The following SMARCD3 variants were observed in gnomAD, a reference collection of about 807,000 sequenced individuals.
SMARCD3 encodes the protein SWI/SNF related BAF chromatin remodeling complex subunit D3.
In SMARCD3, 14 loss-of-function variants were observed where a neutral mutation model predicts 58.0. The ratio of observed to expected loss-of-function variants is 0.24; its 90% confidence interval spans 0.16 to 0.38. The LOEUF (loss-of-function observed/expected upper bound fraction) is 0.38. Among genes scored for constraint, SMARCD3 ranks in the 10% least tolerant of loss-of-function variants. SMARCD3 has a pLI of 1.00. For synonymous variants in SMARCD3, 253 were observed against 253.8 expected, an observed-to-expected ratio of 1.00 and a Z score of 0.03; for missense variants, 408 against 636.9, an observed-to-expected ratio of 0.64 and a Z score of 3.87.
intron 2 of SMARCD3, among the ~76,000 whole-genome samples, chr7:151,268,724 T>G (rs1298333792): frequency 6.6e-6 from 1 of 152,126 alleles, no homozygotes; most frequent in Non-Finnish European, 1.5e-5. Flanking sequence ...AGCACTTACC[T>G]TATAGTGTTG....
chr7:151,240,381 C>A (rs755265012), intron 9 of SMARCD3, 44 bp downstream of exon 9: 2 of 1,579,392 alleles, frequency 1.3e-6, no homozygotes, highest in African/African-American at 1.3e-5. Flanking sequence ...AAGGCAGGAA[C>A]GAGATCATTC....
chr7:151,274,720 G>A (rs942505184), intron 2 of SMARCD3, among the ~76,000 whole-genome samples: 4 of 152,238 alleles, frequency 2.6e-5, no homozygotes, highest in Non-Finnish European at 4.4e-5. Context: ...CTTCATGTAC[G>A]CAGTGAGAGG....
intron 2 of SMARCD3, among the ~76,000 whole-genome samples, chr7:151,255,168 C>T (rs1289356594): frequency 6.6e-6 from 1 of 152,080 alleles, no homozygotes; most frequent in Non-Finnish European, 1.5e-5. Context: ...AAGCCCCAGA[C>T]CCCCTCAACT....
upstream of SMARCD3, chr7:151,248,722 T>G (rs1189098969): frequency 1.2e-5 from 15 of 1,210,614 alleles, no homozygotes; most frequent in African/African-American, 1.6e-5. This position sits in a 1 kb window ranked among gnomAD's most constrained non-coding sequence, Gnocchi z 6.1. Flanking sequence ...AGGGCTGCCC[T>G]GACGGCCCAC....
chr7:151,257,864 G>A lies in SMARCD3; in HGVS notation c.40-12193C>T, dbSNP rs1384805222. ...GGTCTCATCACATCCAGCACCACCCGTATGTCGGCAGCTCCCAGTTTCCTC... is the reference window on the plus strand; with the variant it reads ...GGTCTCATCACATCCAGCACCACCCATATGTCGGCAGCTCCCAGTTTCCTC... On this transcript the variant is annotated intron_variant, in intron 2 of 13. Coordinates refer to the SMARCD3 transcript ENST00000356800. 5.3e-5 allele frequency among the ~76,000 whole-genome samples: 8 copies of A among 152,134 alleles called. No homozygotes were observed. In the East Asian group the frequency reaches 7.7e-4, roughly 15 times the overall value.
rs1803380425 is a variant in SMARCD3, at chr7:151,248,421, A to C, written c.78+64T>G. 59 of 1,291,556 alleles carry C rather than the reference A, an allele frequency of 4.6e-5. No individual in the cohort carries two copies. Among genetic ancestry groups the C allele is most frequent in the Non-Finnish European group, 5.9e-5 (53 of 899,846 alleles). The allele number at this position is 1,291,556 out of a possible 1,614,324, so 80.0% of individuals were successfully genotyped here. A position where few individuals can be genotyped will look rare whatever the true frequency, so the allele number is the denominator to read the frequency against. On this transcript the variant is annotated intron_variant, in intron 1 of 12. Coordinates refer to ENST00000262188, the MANE Select transcript of SMARCD3 (RefSeq NM_001003801.2). This position sits in a 1 kb window ranked among gnomAD's most constrained non-coding sequence, Gnocchi z 6.1. ...GGGAGCGCCCTCCCGGCCCCTCCCG[A>C]TCAGCCCTCCATTCAGCCCGAGCCA...
At chr7:151,267,716 C>A (rs1180948673) in intron 2 of SMARCD3, among the ~76,000 whole-genome samples, 3 of 152,204 alleles carry the variant, frequency 2.0e-5, no homozygotes, top group African/African-American at 7.2e-5. Context: ...GTGGCCCAAG[C>A]CTGTAATTCC....
intron 8 of SMARCD3, 76 bp from the exon 9 acceptor site, chr7:151,240,598 C>A: frequency 9.3e-7 from 1 of 1,075,944 alleles, no homozygotes; most frequent in Non-Finnish European, 1.4e-6. Context: ...TCCTTTTGTT[C>A]TAGAAAGGCC....
chr7:151,239,606 C>T lies in SMARCD3; in HGVS notation c.1296+18G>A. 6.2e-7 allele frequency: 1 copy of T among 1,614,098 alleles called. No individual in the cohort carries two copies. The highest frequency in any genetic ancestry group is 8.5e-7 in the Non-Finnish European group (1 of 1,180,004). On this transcript the variant is annotated intron_variant, in intron 11 of 12. Transcript: ENST00000262188. The surrounding 1 kb of genome is among the most constrained non-coding windows in gnomAD (Gnocchi z 7.0). ...TGCTTGTCTTCCACTCCAGTACTCC[C>T]TGAGTCTCCCTCTTCACCTTGAGGT...
Position 151,242,626 on chromosome 7 carries a change from C to T in SMARCD3, c.457-23G>A, listed in dbSNP as rs540719880. 389 of 1,611,896 alleles carry T rather than the reference C, an allele frequency of 2.4e-4. 6 individuals carry two copies. The South Asian group carries it at 4.0e-3, about 16-fold the overall frequency. On this transcript the variant is annotated intron_variant, in intron 4 of 12. Transcript: ENST00000262188. The surrounding 1 kb of genome is among the most constrained non-coding windows in gnomAD (Gnocchi z 4.7). ...TTGCTGTAGAAATAGAGTGCAGAACCGGGCGAATGCTGTGTGCTCCCACCC... is the reference window on the plus strand; with the variant it reads ...TTGCTGTAGAAATAGAGTGCAGAACTGGGCGAATGCTGTGTGCTCCCACCC...
rs1204935670 is a variant in SMARCD3, at chr7:151,246,809, G to A, written c.79-1138C>T. 6.6e-6 allele frequency among the ~76,000 whole-genome samples: 1 copy of A among 152,150 alleles called. No homozygotes were observed. Among genetic ancestry groups the A allele is most frequent in the East Asian group, 1.9e-4 (1 of 5,188 alleles). On this transcript the variant is annotated intron_variant, in intron 1 of 12. Transcript: ENST00000262188. The surrounding 1 kb of genome is among the most constrained non-coding windows in gnomAD (Gnocchi z 4.4). ...GGGAGGGCCAGAGAGAGTTTCAGGG[G>A]CTGTGAAACAGAAAGAGCGGGGTGG...
upstream of SMARCD3, among the ~76,000 whole-genome samples, chr7:151,251,802 CAAAGCGCCGCTCCCCGCGCAGGGAGA>C (rs1006724299): frequency 1.3e-5 from 2 of 151,512 alleles, no homozygotes; most frequent in Admixed American, 1.3e-4. Flanking sequence ...CACCAAATGG[CAAAGCGCCGCTCCCCGCGCAGGGAGA>C]GATGCGCCGC....
chr7:151,276,969 A>G (rs1419333860), upstream of SMARCD3: 3 of 147,964 alleles, frequency 2.0e-5, no homozygotes, highest in African/African-American at 7.4e-5. Context: ...GGATGCCAAC[A>G]GAGGCGAGCA....
chr7:151,264,823 A>G (rs1804032528), intron 2 of SMARCD3, among the ~76,000 whole-genome samples: 1 of 152,200 alleles, frequency 6.6e-6, no homozygotes, highest in Non-Finnish European at 1.5e-5. Flanking sequence ...GGAAGCTGGC[A>G]TACTAACTGC....
intron 2 of SMARCD3, among the ~76,000 whole-genome samples, chr7:151,258,674 C>T (rs114904948): frequency 0.011 from 1,737 of 152,196 alleles, 29 homozygotes; most frequent in African/African-American, 0.04. Context: ...GGCCAAGGTC[C>T]TGAAGGTCCT....
chr7:151,243,640 T>A lies in SMARCD3; in HGVS notation c.333+19A>T. ...AAAGGGTGGGGGGTGGGCTGGGGGC[T>A]GCTGTGAAAGGCACTCACCCTTTGA... On this transcript the variant is annotated intron_variant, in intron 3 of 12. Coordinates refer to ENST00000262188, the MANE Select transcript of SMARCD3 (RefSeq NM_001003801.2). This position sits in a 1 kb window ranked among gnomAD's most constrained non-coding sequence, Gnocchi z 4.4. 1 of 1,519,604 alleles carries A rather than the reference T, an allele frequency of 6.6e-7. No homozygotes were observed. The highest frequency in any genetic ancestry group is 9.1e-7 in the Non-Finnish European group (1 of 1,094,468). The allele number at this position is 1,519,604 out of a possible 1,614,324, so 94.1% of individuals were successfully genotyped here.
intron 2 of SMARCD3, among the ~76,000 whole-genome samples, chr7:151,244,085 G>C (rs1414535264): frequency 6.6e-6 from 1 of 152,208 alleles, no homozygotes; most frequent in Non-Finnish European, 1.5e-5. Flanking sequence ...ACCTTTTCTG[G>C]AAAGCAGGGG....
chr7:151,259,087 C>T (rs185185241), intron 2 of SMARCD3, among the ~76,000 whole-genome samples: 18 of 152,246 alleles, frequency 1.2e-4, no homozygotes, highest in Admixed American at 1.2e-3. Context: ...TGCAGTGGCT[C>T]ACACTTGTAA....
At position 151,258,250 on chromosome 7, in the gene SMARCD3, C is replaced by G. The variant is rs78572663; in HGVS notation, c.40-12579G>C. Among the ~76,000 whole-genome samples the G allele has an allele frequency of 8.9e-4, 136 of 152,212 alleles. 3 individuals carry two copies. In the East Asian group the frequency reaches 0.023, roughly 26 times the overall value. Reference sequence around the variant, plus strand: ...CCTCACCCCAACAGTCTGTTCTCAACATGGCAACAGGTTCTTTAAAAAGGG... The same window carrying G: ...CCTCACCCCAACAGTCTGTTCTCAAGATGGCAACAGGTTCTTTAAAAAGGG... On this transcript the variant is annotated intron_variant, in intron 2 of 13. Coordinates refer to the SMARCD3 transcript ENST00000356800.
Sources: gnomAD v4.1 joint callset for allele counts (sites outside exome capture counted in the v4.1 genomes callset) on GRCh38, gnomAD v4.1.1 for gene constraint, Gnocchi (gnomAD v3.1) non-coding constraint, MANE v1.5 for transcripts, NCBI Gene and HGNC (gene_info 2026-07-23, HGNC 2026-07-21) for gene names.